The following SPTAN1 variants were observed in gnomAD, a reference collection of about 807,000 sequenced individuals.
The protein encoded by SPTAN1 is spectrin alpha chain, non-erythrocytic 1.
SPTAN1 carries 61 observed loss-of-function variants against 331.3 expected under a neutral mutation model. The observed-to-expected ratio is 0.18, with a 90% CI of 0.15 to 0.23. The LOEUF (loss-of-function observed/expected upper bound fraction) is 0.23, where lower values mean the gene tolerates loss of function less well. Ranked by LOEUF, SPTAN1 falls within the 10% of genes least tolerant of loss-of-function variation. The pLI is 1.00. For synonymous variants in SPTAN1, 1,153 were observed against 1,173.9 expected, an observed-to-expected ratio of 0.98 and a Z score of 0.36; for missense variants, 2,043 against 3,147.9, an observed-to-expected ratio of 0.65 and a Z score of 8.40.
chr9:128,608,848 G>T, intron 34 of SPTAN1, 26 bp from the exon 35 acceptor site: 1 of 1,611,188 alleles, frequency 6.2e-7, no homozygotes, highest in South Asian at 1.1e-5. Context: ...GGCCCACCTT[G>T]ATCTCATGCC....
At chr9:128,587,753 A>G (rs1852844463) in intron 20 of SPTAN1, 55 bp downstream of exon 20, 1 of 1,483,066 alleles carries the variant, frequency 6.7e-7, no homozygotes, top group Non-Finnish European at 9.4e-7. Context: ...GGACTCAGAT[A>G]CTGTCAGCAG....
chr9:128,613,306 TG>T, intron 39 of SPTAN1, 74 bp from the exon 40 acceptor site: 1 of 1,264,742 alleles, frequency 7.9e-7, no homozygotes, highest in Non-Finnish European at 1.2e-6. Flanking sequence ...GAATAGCCAC[TG>T]GGCAACCTGA....
At chr9:128,582,370 A>G (rs1006359050) in intron 12 of SPTAN1, 109 bp from the exon 13 acceptor site, 17 of 946,032 alleles carry the variant, frequency 1.8e-5, no homozygotes, top group East Asian at 5.1e-5. Flanking sequence ...ACCTTGACCT[A>G]TGTTAAAGTT....
At chr9:128,613,506 C>G in intron 40 of SPTAN1, 21 bp downstream of exon 40, 1 of 1,601,320 alleles carries the variant, frequency 6.2e-7, no homozygotes, top group Non-Finnish European at 8.6e-7. Flanking sequence ...GGAGGCGGGC[C>G]AGGCCCGAGT....
chr9:128,618,230 T>A, intron 43 of SPTAN1, 122 bp downstream of exon 43: 2 of 1,468,338 alleles, frequency 1.4e-6, no homozygotes, highest in South Asian at 1.2e-5. Flanking sequence ...GCCTCACATG[T>A]GCCATAGTCG....
At chr9:128,593,282 G>T in intron 23 of SPTAN1, 1 of 584,086 alleles carries the variant, frequency 1.7e-6, no homozygotes, top group Non-Finnish European at 3.2e-6. Context: ...AGTGGTGTTG[G>T]TTCTCCCTCC....
At chr9:128,626,924 C>G (rs1589390954) in intron 49 of SPTAN1, 3 of 627,458 alleles carry the variant, frequency 4.8e-6, no homozygotes, top group Non-Finnish European at 8.7e-6. Flanking sequence ...AGGTGATCCT[C>G]TTGCCTGAGC....
chr9:128,580,559 C>A (rs1273999184), intron 10 of SPTAN1, among the ~76,000 whole-genome samples: 1 of 151,990 alleles, frequency 6.6e-6, no homozygotes, highest in Non-Finnish European at 1.5e-5. Context: ...ATGGAGCACC[C>A]ACTCAGTTGA....
At position 128,581,802 on chromosome 9, in the gene SPTAN1, CTT is replaced by C; in HGVS notation, c.1483_1484del (p.Leu495GlyfsTer6). 6.2e-7 allele frequency: 1 copy of C among 1,614,020 alleles called. No homozygotes were observed. Among genetic ancestry groups the C allele is most frequent in the Non-Finnish European group, 8.5e-7 (1 of 1,179,892 alleles). ...KQEAFLLNED[L>X]GDSLDSVEAL... ...GCAAGGCGTTCCTGTTGAATGAAGACTTGGGAGATTCCTTGGATAGTGTGGAA... is the reference window on the plus strand; with the variant it reads ...GCAAGGCGTTCCTGTTGAATGAAGACGGGAGATTCCTTGGATAGTGTGGAA... On this transcript the variant is annotated frameshift_variant, in exon 12 of 57. Coordinates refer to ENST00000372739, the MANE Select transcript of SPTAN1 (RefSeq NM_001130438.3). LOFTEE classifies it high-confidence loss of function.
chr9:128,588,013 A>ATTT lies in SPTAN1; in HGVS notation c.2871+329_2871+331dup, dbSNP rs10627038. Among the ~76,000 whole-genome samples, 312 of 136,782 alleles carry ATTT rather than the reference A, an allele frequency of 2.3e-3. 5 individuals carry two copies. The highest frequency in any genetic ancestry group is 3.1e-3 in the South Asian group (13 of 4,252). The allele number at this position is 136,782 out of a possible 152,430, so 89.7% of individuals were successfully genotyped here. ...GGTGTTCACCACCATGCCCAGCTAA[A>ATTT]TTTTTTTTTTTTTTTTGAGATGGAG... On this transcript the variant is annotated intron_variant, in intron 20 of 56. Coordinates refer to ENST00000372739, the MANE Select transcript of SPTAN1 (RefSeq NM_001130438.3).
chr9:128,616,777 T>C (rs139355278), intron 41 of SPTAN1, among the ~76,000 whole-genome samples: 13 of 151,386 alleles, frequency 8.6e-5, no homozygotes, highest in Admixed American at 5.3e-4. Context: ...AATAAAAATA[T>C]AAAAATTAGC....
chr9:128,595,477 T>C (rs1046904335), intron 24 of SPTAN1, among the ~76,000 whole-genome samples: 2 of 152,246 alleles, frequency 1.3e-5, no homozygotes, highest in Non-Finnish European at 2.9e-5. Flanking sequence ...AGGAAAGATA[T>C]GCTATGTTCT....
intron 1 of SPTAN1, among the ~76,000 whole-genome samples, chr9:128,565,762 C>T (rs191196129): frequency 9.2e-5 from 14 of 152,298 alleles, no homozygotes; most frequent in Admixed American, 4.6e-4. Flanking sequence ...CAGGGTAACA[C>T]AATTTTATAC....
chr9:128,630,094 G>A (rs1419761103), intron 51 of SPTAN1: 2 of 716,130 alleles, frequency 2.8e-6, no homozygotes, highest in Non-Finnish European at 5.1e-6. Context: ...GCTCAGCCCT[G>A]GCCCACACCA....
At chr9:128,571,272 A>G (rs1589164477) in intron 3 of SPTAN1, among the ~76,000 whole-genome samples, 1 of 142,628 alleles carries the variant, frequency 7.0e-6, no homozygotes, top group Admixed American at 7.5e-5. Context: ...CCTAGGCAAC[A>G]GAGCAAGACT....
chr9:128,556,845 C>T (rs1451767700), intron 1 of SPTAN1, among the ~76,000 whole-genome samples: 2 of 152,192 alleles, frequency 1.3e-5, no homozygotes, highest in Non-Finnish European at 2.9e-5. Flanking sequence ...AAATCTGCAG[C>T]TAAGCTGGTT....
chr9:128,622,349 G>A (rs1380435158), intron 45 of SPTAN1, among the ~76,000 whole-genome samples: 3 of 148,244 alleles, frequency 2.0e-5, no homozygotes, highest in African/African-American at 7.5e-5. Flanking sequence ...GCCCAGGCTG[G>A]AGTGCAGGGG....
chr9:128,608,393 A>G lies in SPTAN1; in HGVS notation c.4491+117A>G, dbSNP rs1856165177. On this transcript the variant is annotated intron_variant, in intron 34 of 56. Coordinates refer to ENST00000372739, the MANE Select transcript of SPTAN1 (RefSeq NM_001130438.3). ...AATACCTGCGTTGTCTAAGAAAAAT[A>G]TGTACATAAATAATCTTTAAAACTT... The G allele has an allele frequency of 3.2e-6, 4 of 1,260,312 alleles. No individual in the cohort carries two copies. In the East Asian group the frequency reaches 7.2e-5, roughly 23 times the overall value. 78.1% of individuals were successfully genotyped at this position (1,260,312 alleles called of 1,614,324 possible). A position where few individuals can be genotyped will look rare whatever the true frequency, so the allele number is the denominator to read the frequency against.
rs567074262 is a variant in SPTAN1, at chr9:128,602,886, T to G, written c.3580-657T>G. 5.3e-4 allele frequency among the ~76,000 whole-genome samples: 81 copies of G among 152,210 alleles called. No individual in the cohort carries two copies. The South Asian group carries it at 0.016, about 29-fold the overall frequency. ...CCTGACCTCAGGTGATCCACCCACT[T>G]TGGTCCCCCAAAGTGCTGGGATTAC... On this transcript the variant is annotated intron_variant, in intron 27 of 56. Coordinates refer to ENST00000372739, the MANE Select transcript of SPTAN1 (RefSeq NM_001130438.3).
Sources: allele counts gnomAD v4.1 joint callset (sites outside exome capture counted in the v4.1 genomes callset), GRCh38; gene constraint gnomAD v4.1.1; transcripts MANE v1.5; gene names NCBI Gene and HGNC (gene_info 2026-07-23, HGNC 2026-07-21).